The following SLC35F3 variants were observed in gnomAD, a reference collection of about 807,000 sequenced individuals.
SLC35F3 encodes solute carrier family 35 member F3, also known as putative thiamine transporter SLC35F3.
A neutral mutation model predicts 49.9 loss-of-function variants in SLC35F3; 25 were observed. The observed-to-expected ratio is 0.50, with a 90% CI of 0.37 to 0.70. The LOEUF (loss-of-function observed/expected upper bound fraction) is 0.70, where lower values mean the gene tolerates loss of function less well. SLC35F3 is among the 30% of genes least tolerant of loss of function. The probability of loss-of-function intolerance (pLI) is 0.00; values close to 1 mark genes in which losing one functional copy is unlikely to be tolerated. For synonymous variants in SLC35F3, 275 were observed against 265.4 expected (o/e 1.04, Z -0.35); for missense variants, 525 against 639.8 (o/e 0.82, Z 1.94).
intron 2 of SLC35F3, among the ~76,000 whole-genome samples, chr1:233,967,102 A>G (rs1286724321): frequency 6.6e-6 from 1 of 152,246 alleles, no homozygotes; most frequent in Non-Finnish European, 1.5e-5. Context: ...ATAATTTCTC[A>G]GTATAATTCT....
chr1:234,108,282 TA>T (rs1165242573), intron 2 of SLC35F3, among the ~76,000 whole-genome samples: 12 of 40,404 alleles, frequency 3.0e-4, no homozygotes, highest in Non-Finnish European at 3.6e-4. Context: ...AGATATATAT[TA>T]TTTATATATA....
At chr1:234,246,717 G>T (rs1667636496) in intron 3 of SLC35F3, among the ~76,000 whole-genome samples, 1 of 152,170 alleles carries the variant, frequency 6.6e-6, no homozygotes, top group South Asian at 2.1e-4. Context: ...ACTGCCAGGG[G>T]ACCTAGCATT....
intron 2 of SLC35F3, among the ~76,000 whole-genome samples, chr1:233,913,677 C>T (rs1006253518): frequency 6.6e-6 from 1 of 152,198 alleles, no homozygotes; most frequent in Admixed American, 6.5e-5. Flanking sequence ...CCTAAGTAAG[C>T]ATCTACATTT....
intron 7 of SLC35F3, among the ~76,000 whole-genome samples, chr1:234,322,445 AAG>A (rs772714713): frequency 6.6e-6 from 1 of 152,200 alleles, no homozygotes; most frequent in Non-Finnish European, 1.5e-5. Flanking sequence ...AATCGTAAGA[AAG>A]AGAAAATATA....
At chr1:234,043,672 G>A (rs550397214) in intron 2 of SLC35F3, among the ~76,000 whole-genome samples, 2 of 152,040 alleles carry the variant, frequency 1.3e-5, no homozygotes, top group African/African-American at 2.4e-5. Flanking sequence ...CTCTGAAAAG[G>A]TCTCCAGGAC....
At chr1:234,115,023 C>T (rs1665463609) in intron 2 of SLC35F3, among the ~76,000 whole-genome samples, 1 of 151,982 alleles carries the variant, frequency 6.6e-6, no homozygotes, top group African/African-American at 2.4e-5. Flanking sequence ...TAAAATAAAA[C>T]GGGTCAATAT....
At chr1:234,158,721 T>C (rs1286877131) in intron 2 of SLC35F3, among the ~76,000 whole-genome samples, 1 of 152,218 alleles carries the variant, frequency 6.6e-6, no homozygotes, top group Non-Finnish European at 1.5e-5. Flanking sequence ...TCAAAAAGCA[T>C]GTGCATATTT....
chr1:233,974,174 C>CTTTTTTT lies in SLC35F3; in HGVS notation c.283+68437_283+68443dup, dbSNP rs757673463. 4.0e-3 allele frequency among the ~76,000 whole-genome samples: 334 copies of CTTTTTTT among 83,122 alleles called. 6 individuals carry two copies. Among genetic ancestry groups the CTTTTTTT allele is most frequent in the African/African-American group, 6.7e-3 (117 of 17,524 alleles). 54.5% of individuals were successfully genotyped at this position (83,122 alleles called of 152,430 possible). A position where few individuals can be genotyped will look rare whatever the true frequency, so the allele number is the denominator to read the frequency against. On this transcript the variant is annotated intron_variant, in intron 2 of 7. Transcript: ENST00000366618. ...TACATTCCAGGATGTATTTCTATTT[C>CTTTTTTT]TTTTTTTTTTTTTTTTTTTTTTTTT...
At chr1:234,096,479 A>G (rs1036204433) in intron 2 of SLC35F3, among the ~76,000 whole-genome samples, 1 of 152,166 alleles carries the variant, frequency 6.6e-6, no homozygotes, top group African/African-American at 2.4e-5. Flanking sequence ...TCTTTATCAC[A>G]TGTATAGCTA....
At chr1:234,151,201 G>A (rs1264497270) in intron 2 of SLC35F3, among the ~76,000 whole-genome samples, 2 of 151,862 alleles carry the variant, frequency 1.3e-5, no homozygotes, top group Admixed American at 1.3e-4. Context: ...CAAAGCCAGG[G>A]AGGGAGATAG....
chr1:233,962,872 A>AATATTCATCAC (rs1662827283), intron 2 of SLC35F3, among the ~76,000 whole-genome samples: 2 of 152,214 alleles, frequency 1.3e-5, no homozygotes, highest in Admixed American at 1.3e-4. Flanking sequence ...ATTTTTTGGC[A>AATATTCATCAC]TGGCAGTGAT....
intron 2 of SLC35F3, among the ~76,000 whole-genome samples, chr1:233,912,016 CATGCAA>C (rs1317768303): frequency 1.3e-5 from 2 of 152,194 alleles, no homozygotes; most frequent in East Asian, 3.9e-4. Flanking sequence ...CATAAATCCA[CATGCAA>C]ATGCACCATT....
intron 2 of SLC35F3, among the ~76,000 whole-genome samples, chr1:234,136,875 G>T (rs1665819932): frequency 6.6e-6 from 1 of 152,212 alleles, no homozygotes; most frequent in South Asian, 2.1e-4. Flanking sequence ...TAGTTGTCAT[G>T]ACCCTCACCA....
chr1:234,084,615 A>G (rs2102874314), intron 2 of SLC35F3, among the ~76,000 whole-genome samples: 1 of 152,370 alleles, frequency 6.6e-6, no homozygotes, highest in South Asian at 2.1e-4. Flanking sequence ...GAAAATTAGC[A>G]AAGAAGATCT....
At chr1:233,928,151 A>C (rs2102791831) in intron 2 of SLC35F3, among the ~76,000 whole-genome samples, 1 of 152,232 alleles carries the variant, frequency 6.6e-6, no homozygotes, top group South Asian at 2.1e-4. Flanking sequence ...ACATGTTGCC[A>C]GCAATAAACA....
At chr1:234,226,188 C>T (rs1471104295) in intron 2 of SLC35F3, among the ~76,000 whole-genome samples, 6 of 152,110 alleles carry the variant, frequency 3.9e-5, no homozygotes, top group Admixed American at 2.0e-4. Context: ...AAGCTGTAAA[C>T]AAATAAAATA....
At chr1:234,287,097 G>C (rs1668434031) in intron 3 of SLC35F3, among the ~76,000 whole-genome samples, 1 of 152,116 alleles carries the variant, frequency 6.6e-6, no homozygotes, top group African/African-American at 2.4e-5. Context: ...TACTTGGGAG[G>C]CTGCGGTAGG....
intron 2 of SLC35F3, among the ~76,000 whole-genome samples, chr1:234,107,914 G>C (rs560948419): frequency 6.6e-6 from 1 of 152,038 alleles, no homozygotes; most frequent in South Asian, 2.1e-4. Flanking sequence ...TTCCCTCTAT[G>C]TATTATTTGG....
In SLC35F3 at chr1:234,258,518, C is replaced by G. The variant is rs1667855086; in HGVS notation, c.608+26777C>G. On this transcript the variant is annotated intron_variant, in intron 3 of 7. Coordinates refer to ENST00000366618, the MANE Select transcript of SLC35F3 (RefSeq NM_173508.4). ...TGCCTAGGTCTTAGTGGAATTCAGG[C>G]CCCTCCCATAATTCTAATCTTGTGA... Among the ~76,000 whole-genome samples, 4 of 152,208 alleles carry G rather than the reference C, an allele frequency of 2.6e-5. No individual in the cohort carries two copies. In the South Asian group the frequency reaches 8.3e-4, roughly 32 times the overall value.
Sources: gnomAD v4.1 joint callset for allele counts (sites outside exome capture counted in the v4.1 genomes callset) on GRCh38, gnomAD v4.1.1 for gene constraint, MANE v1.5 for transcripts, NCBI Gene and HGNC (gene_info 2026-07-23, HGNC 2026-07-21) for gene names.